Variants in JAZF1 observed in about 807,000 individuals in gnomAD.
JAZF1 encodes JAZF zinc finger 1.
A neutral mutation model predicts 26.4 loss-of-function variants in JAZF1; 8 were observed. The observed-to-expected ratio is 0.30, with a 90% confidence interval of 0.18 to 0.55. JAZF1 has a LOEUF of 0.55. Ranked by LOEUF, JAZF1 falls within the 20% of genes least tolerant of loss-of-function variation. The probability of loss-of-function intolerance (pLI) is 0.94; values close to 1 mark genes in which losing one functional copy is unlikely to be tolerated. For missense variants in JAZF1, 199 were observed against 322.0 expected (o/e 0.62, Z 2.92); for synonymous variants, 126 against 122.3 (o/e 1.03, Z -0.20).
intron 2 of JAZF1, among the ~76,000 whole-genome samples, chr7:27,938,464 G>A (rs1187217145): frequency 6.6e-6 from 1 of 152,186 alleles, no homozygotes; most frequent in Non-Finnish European, 1.5e-5. Flanking sequence ...ATTTCATGGA[G>A]GTCCAGGGCA....
At chr7:27,898,659 T>TCA in intron 2 of JAZF1, among the ~76,000 whole-genome samples, 1 of 152,062 alleles carries the variant, frequency 6.6e-6, no homozygotes, top group South Asian at 2.1e-4. Context: ...ATAACAACAT[T>TCA]CACACACACA....
chr7:28,096,645 A>C (rs1478926653), intron 1 of JAZF1, among the ~76,000 whole-genome samples: 3 of 152,216 alleles, frequency 2.0e-5, no homozygotes, highest in Non-Finnish European at 4.4e-5. Context: ...TTATCTTCTT[A>C]CTACAAGATG....
At chr7:27,845,854 C>G (rs180934665) in intron 3 of JAZF1, among the ~76,000 whole-genome samples, 14 of 152,068 alleles carry the variant, frequency 9.2e-5, no homozygotes, top group Non-Finnish European at 1.8e-4. Context: ...AAGATCACAC[C>G]GTGGCCTGCA....
At chr7:28,090,240 G>A (rs1030113045) in intron 1 of JAZF1, among the ~76,000 whole-genome samples, 1 of 152,146 alleles carries the variant, frequency 6.6e-6, no homozygotes, top group Non-Finnish European at 1.5e-5. Flanking sequence ...CTCTTATAGT[G>A]CCTAACATAC....
chr7:28,095,656 C>T (rs1314764243), intron 1 of JAZF1, among the ~76,000 whole-genome samples: 1 of 152,198 alleles, frequency 6.6e-6, no homozygotes, highest in Non-Finnish European at 1.5e-5. Context: ...ATCTTCAGTC[C>T]ACCTGTCCTT....
chr7:27,879,358 T>G (rs1783730656), intron 3 of JAZF1, among the ~76,000 whole-genome samples: 2 of 152,254 alleles, frequency 1.3e-5, no homozygotes, highest in Admixed American at 6.5e-5. Context: ...CTGGCCCACA[T>G]GAGAATTAAA....
chr7:28,102,269 G>A (rs1337558242), intron 1 of JAZF1, among the ~76,000 whole-genome samples: 1 of 152,222 alleles, frequency 6.6e-6, no homozygotes, highest in Non-Finnish European at 1.5e-5. Context: ...TTATCTCTTA[G>A]GGCATTTGCT....
At chr7:27,973,539 T>G (rs1353949840) in intron 2 of JAZF1, among the ~76,000 whole-genome samples, 1 of 152,198 alleles carries the variant, frequency 6.6e-6, no homozygotes, top group Non-Finnish European at 1.5e-5. Context: ...GCTCAAGTGA[T>G]CCTCCTGCCT....
intron 3 of JAZF1, among the ~76,000 whole-genome samples, chr7:27,871,907 A>G (rs1375326828): frequency 6.6e-6 from 1 of 152,162 alleles, no homozygotes; most frequent in African/African-American, 2.4e-5. Flanking sequence ...GAAGGCTGGG[A>G]GAAAGTGGTG....
chr7:28,086,967 C>G (rs1447270459), intron 1 of JAZF1, among the ~76,000 whole-genome samples: 1 of 152,074 alleles, frequency 6.6e-6, no homozygotes, highest in Non-Finnish European at 1.5e-5. Context: ...AACACAGAGC[C>G]CTTTATTTAA....
intron 1 of JAZF1, among the ~76,000 whole-genome samples, chr7:28,024,110 A>C (rs1437068796): frequency 6.6e-6 from 1 of 151,316 alleles, no homozygotes; most frequent in Non-Finnish European, 1.5e-5. Flanking sequence ...GCATAGCAAG[A>C]CCCATCTCTA....
chr7:28,077,561 T>C (rs770276142), intron 1 of JAZF1, among the ~76,000 whole-genome samples: 2 of 149,958 alleles, frequency 1.3e-5, no homozygotes, highest in Non-Finnish European at 2.9e-5. Flanking sequence ...AATTACCTGA[T>C]AGAACCACCT....
chr7:27,862,769 T>C (rs534099737), intron 3 of JAZF1, among the ~76,000 whole-genome samples: 1 of 152,388 alleles, frequency 6.6e-6, no homozygotes, highest in Admixed American at 6.5e-5. Context: ...CTTTGTGGCT[T>C]ATGATTTTGA....
At position 27,964,018 on chromosome 7, in the gene JAZF1, C is replaced by A. The variant is rs1785231150; in HGVS notation, c.188+27891G>T. Reference sequence around the variant, plus strand: ...CTATATACCCATAATATAGTGATGGCAATTGTGAATTTCTCTAGTGCTTCC... The same window carrying A: ...CTATATACCCATAATATAGTGATGGAAATTGTGAATTTCTCTAGTGCTTCC... On this transcript the variant is annotated intron_variant, in intron 2 of 4. Coordinates refer to ENST00000283928, the MANE Select transcript of JAZF1 (RefSeq NM_175061.4). 2.0e-5 allele frequency among the ~76,000 whole-genome samples: 3 copies of A among 152,152 alleles called. No homozygotes were observed. In the South Asian group the frequency reaches 6.2e-4, roughly 31 times the overall value.
At chr7:27,993,725 A>G (rs1785953602) in intron 1 of JAZF1, among the ~76,000 whole-genome samples, 1 of 152,210 alleles carries the variant, frequency 6.6e-6, no homozygotes, top group Non-Finnish European at 1.5e-5. Flanking sequence ...GGAAGGTAAG[A>G]AAGAACAGGG....
At chr7:27,885,490 C>T (rs1423272105) in intron 3 of JAZF1, among the ~76,000 whole-genome samples, 1 of 152,176 alleles carries the variant, frequency 6.6e-6, no homozygotes. Context: ...TGTCATTTCC[C>T]CCCATTTCTA....
intron 1 of JAZF1, among the ~76,000 whole-genome samples, chr7:28,110,360 A>G (rs1784622540): frequency 6.6e-6 from 1 of 151,348 alleles, no homozygotes; most frequent in Admixed American, 6.6e-5. Flanking sequence ...TGGGAGGCAG[A>G]GGTTGTAGTG....
At chr7:27,883,173 T>C (rs772771743) in intron 3 of JAZF1, among the ~76,000 whole-genome samples, 1 of 152,194 alleles carries the variant, frequency 6.6e-6, no homozygotes, top group Non-Finnish European at 1.5e-5. Context: ...AGCACAGTCT[T>C]AATGTGTGCT....
chr7:28,179,078 C>T (rs536101910), intron 1 of JAZF1, among the ~76,000 whole-genome samples: 41 of 152,330 alleles, frequency 2.7e-4, no homozygotes, highest in African/African-American at 9.6e-4. Context: ...GTGATTTATT[C>T]TCTCAACTTT....
Sources: allele counts gnomAD v4.1 joint callset (sites outside exome capture counted in the v4.1 genomes callset), GRCh38; gene constraint gnomAD v4.1.1; transcripts MANE v1.5; gene names NCBI Gene and HGNC (gene_info 2026-07-23, HGNC 2026-07-21).